The following VTCN1 variants were observed in gnomAD, a reference collection of about 807,000 sequenced individuals.
VTCN1 encodes the protein V-set domain containing T cell activation inhibitor 1, also known as V-set domain-containing T-cell activation inhibitor 1.
In VTCN1, 26 loss-of-function variants were observed where a neutral mutation model predicts 26.5. The observed-to-expected ratio is 0.98, with a 90% CI of 0.72 to 1.36. VTCN1 has a LOEUF of 1.36. Among genes scored for constraint, VTCN1 ranks in the 40% most tolerant of loss-of-function variants. The pLI is 0.00. For synonymous variants in VTCN1, 116 were observed against 130.7 expected, an observed-to-expected ratio of 0.89 and a Z score of 0.77; for missense variants, 298 against 337.7, an observed-to-expected ratio of 0.88 and a Z score of 0.92.
intron 1 of VTCN1, among the ~76,000 whole-genome samples, chr1:117,190,455 C>T (rs1648188620): frequency 6.6e-6 from 1 of 152,188 alleles, no homozygotes; most frequent in South Asian, 2.1e-4. Context: ...GCCAGTATTT[C>T]CTGCTTACTA....
intron 1 of VTCN1, among the ~76,000 whole-genome samples, chr1:117,208,418 C>A (rs989668788): frequency 6.6e-6 from 1 of 152,176 alleles, no homozygotes; most frequent in Admixed American, 6.5e-5. Flanking sequence ...CCCTTGCAAC[C>A]TGTGCTTATT....
At position 117,146,580 on chromosome 1, in the gene VTCN1, T is replaced by C. The variant is rs1000786614; in HGVS notation, c.*45+1033A>G. ...TTCCTAAAATGGATAAAGGAAGTAG[T>C]GGGTATAAATTGCCACAGAGTAGAG... On this transcript the variant is annotated intron_variant, in intron 5 of 5. Transcript: ENST00000369458. The surrounding 1 kb of genome is among the most constrained non-coding windows in gnomAD (Gnocchi z 4.2). Among the ~76,000 whole-genome samples the C allele has an allele frequency of 6.6e-6, 1 of 152,032 alleles. No homozygotes were observed. Among genetic ancestry groups the C allele is most frequent in the African/African-American group, 2.4e-5 (1 of 41,366 alleles).
chr1:117,147,491 G>T lies in VTCN1; in HGVS notation c.*45+122C>A. 1 of 781,912 alleles carries T rather than the reference G, an allele frequency of 1.3e-6. No homozygotes were observed. Among genetic ancestry groups the T allele is most frequent in the Non-Finnish European group, 1.9e-6 (1 of 522,328 alleles). 48.4% of individuals were successfully genotyped at this position (781,912 alleles called of 1,614,324 possible). A position where few individuals can be genotyped will look rare whatever the true frequency, so the allele number is the denominator to read the frequency against. On this transcript the variant is annotated intron_variant, in intron 5 of 5. Coordinates refer to ENST00000369458, the MANE Select transcript of VTCN1 (RefSeq NM_024626.4). The surrounding 1 kb of genome is among the most constrained non-coding windows in gnomAD (Gnocchi z 4.6). ...CTTTCCCAGTACTAGTGGAAATAAT[G>T]TCACAGCCCTGGTGTCATTAAATGT...
rs1651395832 is a variant in VTCN1 at position 117,144,186 on chromosome 1, C to G, written c.*1085G>C. 1 of 152,206 alleles carries G rather than the reference C, an allele frequency of 6.6e-6. No homozygotes were observed. Among genetic ancestry groups the G allele is most frequent in the Non-Finnish European group, 1.5e-5 (1 of 68,078 alleles). 9.4% of individuals were successfully genotyped at this position (152,206 alleles called of 1,614,324 possible). On this transcript the variant is annotated 3_prime_UTR_variant, in exon 6 of 6. Coordinates refer to ENST00000369458, the MANE Select transcript of VTCN1 (RefSeq NM_024626.4). ...CCCTCTTTCCAGGCCCTTTTCTACT[C>G]AAAACCAGGGTTTCTTAGCCCTGAC...
At chr1:117,157,238 C>A (rs1293234958) in intron 2 of VTCN1, among the ~76,000 whole-genome samples, 2 of 151,836 alleles carry the variant, frequency 1.3e-5, no homozygotes, top group South Asian at 2.1e-4. Context: ...AGCCATGTAA[C>A]CTTCAGTAAG....
Position 117,167,649 on chromosome 1 carries a change from T to C in VTCN1, c.97+2458A>G, listed in dbSNP as rs57358995. Among the ~76,000 whole-genome samples the C allele has an allele frequency of 7.6e-3, 1,158 of 152,256 alleles. 13 individuals carry two copies. The highest frequency in any genetic ancestry group is 0.027 in the African/African-American group (1,104 of 41,536). On this transcript the variant is annotated intron_variant, in intron 2 of 5. Transcript: ENST00000369458. The surrounding 1 kb of genome is among the most constrained non-coding windows in gnomAD (Gnocchi z 4.1). ...TAGATTGACTCATCACTTTGGAAAA[T>C]TGAATGGCAGTATCTACTAAAAGCT...
At chr1:117,203,872 G>T (rs893668145) in intron 1 of VTCN1, 3 of 774,748 alleles carry the variant, frequency 3.9e-6, no homozygotes, top group African/African-American at 3.8e-5. Flanking sequence ...TTTGCAGGAT[G>T]GGGGGAATGA....
chr1:117,163,811 A>G (rs1652483700), intron 2 of VTCN1, among the ~76,000 whole-genome samples: 1 of 152,156 alleles, frequency 6.6e-6, no homozygotes, highest in African/African-American at 2.4e-5. Flanking sequence ...AATCAAAACA[A>G]CTAAAAACCA....
intron 1 of VTCN1, among the ~76,000 whole-genome samples, chr1:117,188,745 T>C (rs898178684): frequency 6.6e-6 from 1 of 152,198 alleles, no homozygotes; most frequent in African/African-American, 2.4e-5. Context: ...CAGCCCATTT[T>C]TTCCCCCAAG....
intron 1 of VTCN1, among the ~76,000 whole-genome samples, chr1:117,174,444 T>C (rs1247280443): frequency 6.6e-6 from 1 of 152,198 alleles, no homozygotes; most frequent in Non-Finnish European, 1.5e-5. Context: ...TGTAATAATC[T>C]GAGGCAGAAT....
chr1:117,152,967 A>C, intron 4 of VTCN1, 124 bp downstream of exon 4: 1 of 1,143,284 alleles, frequency 8.7e-7, no homozygotes, highest in South Asian at 1.6e-5. Context: ...GAGTGATCAA[A>C]TTCTTAGTGA....
At position 117,155,158 on chromosome 1, in the gene VTCN1, T is replaced by A. The variant is rs1236193772; in HGVS notation, c.445+1416A>T. The stretch of plus-strand genomic sequence containing the variant: ...CTGTTAGAATTCATCTGATGTTTTC[T>A]CCTGATTAGACTGAGGTTACAGGTT... On this transcript the variant is annotated intron_variant, in intron 3 of 5. Transcript: ENST00000369458. This position sits in a 1 kb window ranked among gnomAD's most constrained non-coding sequence, Gnocchi z 4.8. Among the ~76,000 whole-genome samples, 1 of 152,224 alleles carries A rather than the reference T, an allele frequency of 6.6e-6. No individual in the cohort carries two copies. Among genetic ancestry groups the A allele is most frequent in the East Asian group, 1.9e-4 (1 of 5,200 alleles).
At chr1:117,180,774 TC>T (rs1647634409) in intron 1 of VTCN1, among the ~76,000 whole-genome samples, 1 of 151,956 alleles carries the variant, frequency 6.6e-6, no homozygotes, top group African/African-American at 2.4e-5. Flanking sequence ...AATCTTGGCA[TC>T]CCCTTGCTCT....
chr1:117,191,228 A>G (rs1307535415), intron 1 of VTCN1, among the ~76,000 whole-genome samples: 1 of 152,246 alleles, frequency 6.6e-6, no homozygotes, highest in African/African-American at 2.4e-5. Flanking sequence ...ATTTAGAGGA[A>G]CAAAAAGAAA....
intron 1 of VTCN1, chr1:117,173,331 G>A: frequency 3.5e-6 from 2 of 574,638 alleles, no homozygotes; most frequent in Non-Finnish European, 6.3e-6. Flanking sequence ...TATGGCTGGT[G>A]TCCTTATAAA....
At chr1:117,195,401 C>A (rs571846128) in intron 1 of VTCN1, among the ~76,000 whole-genome samples, 33 of 151,956 alleles carry the variant, frequency 2.2e-4, no homozygotes, top group Non-Finnish European at 4.1e-4. Flanking sequence ...TGTTAACTGA[C>A]CTGATTGTGG....
intron 2 of VTCN1, among the ~76,000 whole-genome samples, chr1:117,160,265 T>G (rs1297106232): frequency 6.6e-6 from 1 of 152,166 alleles, no homozygotes; most frequent in Non-Finnish European, 1.5e-5. Context: ...GCACATCCTT[T>G]AAACAACACC....
intron 1 of VTCN1, chr1:117,172,270 C>T (rs1437259183): frequency 2.0e-6 from 1 of 495,182 alleles, no homozygotes; most frequent in African/African-American, 1.9e-5. Context: ...GCCCACCAGA[C>T]AGAAACAACA....
intron 2 of VTCN1, among the ~76,000 whole-genome samples, chr1:117,163,135 G>C (rs1366508323): frequency 1.3e-5 from 2 of 152,226 alleles, no homozygotes; most frequent in Non-Finnish European, 2.9e-5. Context: ...GGGGTGGGGA[G>C]AACAGTTGCT....
Sources: allele counts gnomAD v4.1 joint callset (sites outside exome capture counted in the v4.1 genomes callset), GRCh38; gene constraint gnomAD v4.1.1; non-coding constraint Gnocchi (gnomAD v3.1); transcripts MANE v1.5; gene names NCBI Gene and HGNC (gene_info 2026-07-23, HGNC 2026-07-21).